OR6Q1: variants seen among roughly 807,000 people sequenced by gnomAD.
OR6Q1 encodes the protein olfactory receptor family 6 subfamily Q member 1, also known as olfactory receptor 6Q1.
For synonymous variants in OR6Q1, 144 were observed against 148.9 expected (o/e 0.97, Z 0.24); for missense variants, 387 against 381.7 (o/e 1.01, Z -0.12).
rs116716122 is a variant in OR6Q1, at chr11:58,031,198, G to A, written c.246G>A (p.Lys82=). Residue 82 remains lysine, a synonymous_variant, in exon 1 of 1, where the codon AAG becomes AAA. Transcript: ENST00000302622. ...EIWYTSVTVP[K]MLAGFIGVDG... ...GGTACACTTCTGTTACAGTGCCCAAGATGCTGGCTGGTTTTATTGGGGTGG... is the reference window on the plus strand; with the variant it reads ...GGTACACTTCTGTTACAGTGCCCAAAATGCTGGCTGGTTTTATTGGGGTGG... 4.3e-6 allele frequency: 7 copies of A among 1,614,152 alleles called. No individual in the cohort carries two copies. The highest frequency in any genetic ancestry group is 5.9e-6 in the Non-Finnish European group (7 of 1,180,002).
Position 58,031,782 on chromosome 11 carries a change from TG to T in OR6Q1, c.832del (p.Val278TyrfsTer24). On this transcript the variant is annotated frameshift_variant, in exon 1 of 1. Coordinates refer to ENST00000302622, the MANE Select transcript of OR6Q1 (RefSeq NM_001005186.2). LOFTEE classifies it low-confidence loss of function (END_TRUNC). The part of the protein sequence containing the change: ...KVTSSINFNK[V>X]VSVFYSVVTP... ...ACCTCCTCCATCAACTTCAACAAGG[TG>T]GTATCTGTCTTCTACTCTGTTGTCA... is the stretch of plus-strand genomic sequence containing the variant. 5 of 1,613,932 alleles carry T rather than the reference TG, an allele frequency of 3.1e-6. No homozygotes were observed. Among genetic ancestry groups the T allele is most frequent in the Non-Finnish European group, 3.4e-6 (4 of 1,179,850 alleles).
In OR6Q1 at chr11:58,031,672, G is replaced by A. The variant is rs376001783; in HGVS notation, c.720G>A (p.Lys240=). The A allele has an allele frequency of 2.3e-5, 37 of 1,613,794 alleles. No individual in the cohort carries two copies. The highest frequency in any genetic ancestry group is 3.1e-5 in the Non-Finnish European group (36 of 1,179,844). ...TCCGCTCAGCTGCTGAGCGCTGGAA[G>A]GCCTTCTCTACCTGTGCAGCTCACC... is the stretch of plus-strand genomic sequence containing the variant. ...LHIRSAAERW[K]AFSTCAAHLT... Residue 240 remains lysine, a synonymous_variant, in exon 1 of 1, where the codon AAG becomes AAA. Transcript: ENST00000302622.
rs145072314 is a variant in OR6Q1 at position 58,031,284 on chromosome 11, T to C, written c.332T>C (p.Leu111Pro). Reference sequence around the variant, plus strand: ...TCCCAGCTCTTCATCTTCACCTTTCTTGGGGCAACTGAGTGTTTCCTACTG... The same window carrying C: ...TCCCAGCTCTTCATCTTCACCTTTCCTGGGGCAACTGAGTGTTTCCTACTG... ...CLSQLFIFTF[L>P]GATECFLLAA... Residue 111 changes from leucine to proline, a missense_variant, in exon 1 of 1, where the codon CTT becomes CCT. Coordinates refer to ENST00000302622, the MANE Select transcript of OR6Q1 (RefSeq NM_001005186.2). 15 of 1,614,040 alleles carry C rather than the reference T, an allele frequency of 9.3e-6. No individual in the cohort carries two copies. Among genetic ancestry groups the C allele is most frequent in the Non-Finnish European group, 1.2e-5 (14 of 1,180,018 alleles).
Position 58,031,479 on chromosome 11 carries a change from A to G in OR6Q1, c.527A>G (p.Asn176Ser). 6.2e-7 allele frequency: 1 copy of G among 1,614,112 alleles called. No homozygotes were observed. The highest frequency in any genetic ancestry group is 8.5e-7 in the Non-Finnish European group (1 of 1,180,004). ...LLSQLTFYGP[N>S]VIDHFSCDAS... ...TCTCAGCTAACATTTTATGGCCCAAATGTCATTGACCATTTCTCCTGTGAT... is the reference window on the plus strand; with the variant it reads ...TCTCAGCTAACATTTTATGGCCCAAGTGTCATTGACCATTTCTCCTGTGAT... Residue 176 changes from asparagine to serine, a missense_variant, in exon 1 of 1, where the codon AAT becomes AGT. Transcript: ENST00000302622.
At position 58,031,596 on chromosome 11, in the gene OR6Q1, C is replaced by G; in HGVS notation, c.644C>G (p.Ser215Cys). The change falls in exon 1 of 1, where the codon TCT becomes TGT. Residue 215 changes from serine to cysteine, a missense_variant. Ser to Cys is a moderately radical substitution (Grantham distance 112). Coordinates refer to ENST00000302622, the MANE Select transcript of OR6Q1 (RefSeq NM_001005186.2). Reference protein sequence around the residue: ...LVSLAVLLASSMVIAVSYGNI... With the variant: ...LVSLAVLLASCMVIAVSYGNI... ...TCTCTGGCTGTGCTACTGGCCTCCT[C>G]TATGGTCATTGCTGTGTCCTATGGC... 6.2e-7 allele frequency: 1 copy of G among 1,614,036 alleles called. No individual in the cohort carries two copies. Among genetic ancestry groups the G allele is most frequent in the Non-Finnish European group, 8.5e-7 (1 of 1,179,956 alleles).
chr11:58,031,179 C>T lies in OR6Q1; in HGVS notation c.227C>T (p.Thr76Ile), dbSNP rs758879592. The change falls in exon 1 of 1, where the codon ACT (threonine) becomes ATT (isoleucine). Residue 76 changes from threonine to isoleucine, a missense_variant. Thr to Ile is a moderately conservative substitution (Grantham distance 89). Coordinates refer to ENST00000302622, the MANE Select transcript of OR6Q1 (RefSeq NM_001005186.2). Reference protein sequence around the residue: ...THLSCLEIWYTSVTVPKMLAG... With the variant: ...THLSCLEIWYISVTVPKMLAG... The stretch of plus-strand genomic sequence containing the variant: ...TTGTCCTGCCTTGAAATCTGGTACA[C>T]TTCTGTTACAGTGCCCAAGATGCTG... 6.8e-6 allele frequency: 11 copies of T among 1,614,150 alleles called. No individual in the cohort carries two copies. The highest frequency in any genetic ancestry group is 9.3e-6 in the Non-Finnish European group (11 of 1,179,990).
chr11:58,031,811 C>T lies in OR6Q1; in HGVS notation c.859C>T (p.Pro287Ser). Residue 287 changes from proline to serine, a missense_variant, in exon 1 of 1, where the codon CCC becomes TCC. Coordinates refer to ENST00000302622, the MANE Select transcript of OR6Q1 (RefSeq NM_001005186.2). ...ATCTGTCTTCTACTCTGTTGTCACG[C>T]CCATGCTCAATCCTCTCATCTACAG... is the stretch of plus-strand genomic sequence containing the variant. The part of the protein sequence containing the change: ...VVSVFYSVVT[P>S]MLNPLIYSLR... 6.2e-7 allele frequency: 1 copy of T among 1,614,058 alleles called. No individual in the cohort carries two copies. Among genetic ancestry groups the T allele is most frequent in the South Asian group, 1.1e-5 (1 of 91,082 alleles).
chr11:58,030,958 A>G lies in OR6Q1; in HGVS notation c.6A>G (p.Gln2=). The G allele has an allele frequency of 6.2e-7, 1 of 1,610,656 alleles. No homozygotes were observed. The highest frequency in any genetic ancestry group is 8.5e-7 in the Non-Finnish European group (1 of 1,177,084). Reference sequence around the variant, plus strand: ...CTGAGCTCTCACTGCCACATATGCAACCATATACCAAAAACTGGACCCAGG... The same window carrying G: ...CTGAGCTCTCACTGCCACATATGCAGCCATATACCAAAAACTGGACCCAGG... M[Q]PYTKNWTQVT... Residue 2 remains glutamine, a synonymous_variant, in exon 1 of 1, where the codon CAA becomes CAG. Coordinates refer to ENST00000302622, the MANE Select transcript of OR6Q1 (RefSeq NM_001005186.2).
rs748655269 is a variant in OR6Q1, at chr11:58,031,673, G to T, written c.721G>T (p.Ala241Ser). ...CCGCTCAGCTGCTGAGCGCTGGAAGGCCTTCTCTACCTGTGCAGCTCACCT... is the reference window on the plus strand; with the variant it reads ...CCGCTCAGCTGCTGAGCGCTGGAAGTCCTTCTCTACCTGTGCAGCTCACCT... Reference protein sequence around the residue: ...HIRSAAERWKAFSTCAAHLTV... With the variant: ...HIRSAAERWKSFSTCAAHLTV... The change falls in exon 1 of 1, where the codon GCC becomes TCC. Residue 241 changes from alanine to serine, a missense_variant. Physicochemically the swap from Ala to Ser is moderately conservative, Grantham distance 99. Transcript: ENST00000302622. 2.5e-6 allele frequency: 4 copies of T among 1,613,850 alleles called. No individual in the cohort carries two copies. The highest frequency in any genetic ancestry group is 2.2e-5 in the South Asian group (2 of 91,072).
Position 58,031,712 on chromosome 11 carries a change from C to T in OR6Q1, c.760C>T (p.Leu254Phe). 1 of 1,613,960 alleles carries T rather than the reference C, an allele frequency of 6.2e-7. No individual in the cohort carries two copies. Among genetic ancestry groups the T allele is most frequent in the Admixed American group, 1.7e-5 (1 of 60,008 alleles). The change falls in exon 1 of 1, where the codon CTC becomes TTC. Residue 254 changes from leucine (L) to phenylalanine (F), a missense_variant. By Grantham distance (22) the Leu-to-Phe change is conservative. Coordinates refer to ENST00000302622, the MANE Select transcript of OR6Q1 (RefSeq NM_001005186.2). ...TCAAHLTVVS[L>F]FYGTLFFMYV... ...TGCAGCTCACCTGACTGTGGTGAGC[C>T]TCTTCTATGGCACTCTTTTCTTTAT...
Position 58,030,967 on chromosome 11 carries a change from C to A in OR6Q1, c.15C>A (p.Thr5=), listed in dbSNP as rs191701806. Reference sequence around the variant, plus strand: ...CACTGCCACATATGCAACCATATACCAAAAACTGGACCCAGGTAACTGAAT... The same window carrying A: ...CACTGCCACATATGCAACCATATACAAAAAACTGGACCCAGGTAACTGAAT... The part of the protein sequence containing the change: MQPY[T]KNWTQVTEFV... The change falls in exon 1 of 1, where the codon ACC becomes ACA. Residue 5 remains threonine, a synonymous_variant. Coordinates refer to ENST00000302622, the MANE Select transcript of OR6Q1 (RefSeq NM_001005186.2). The A allele has an allele frequency of 9.7e-5, 156 of 1,613,122 alleles. No individual in the cohort carries two copies. In the East Asian group the frequency reaches 3.1e-3, roughly 32 times the overall value.
chr11:58,031,381 C>T lies in OR6Q1; in HGVS notation c.429C>T (p.Gly143=), dbSNP rs533631942. Residue 143 remains glycine, a synonymous_variant, in exon 1 of 1, where the codon GGC becomes GGT. Transcript: ENST00000302622. ...PLHYGAFVSW[G]TCIRLAAACW... The stretch of plus-strand genomic sequence containing the variant: ...ACTATGGGGCTTTTGTGTCCTGGGG[C>T]ACCTGCATCCGTCTGGCAGCTGCCT... 1.2e-6 allele frequency: 2 copies of T among 1,614,184 alleles called. No individual in the cohort carries two copies. Among genetic ancestry groups the T allele is most frequent in the South Asian group, 2.2e-5 (2 of 91,080 alleles).
Position 58,031,680 on chromosome 11 carries a change from C to T in OR6Q1, c.728C>T (p.Ser243Phe), listed in dbSNP as rs562631153. 1.2e-6 allele frequency: 2 copies of T among 1,613,854 alleles called. No homozygotes were observed. The highest frequency in any genetic ancestry group is 1.7e-6 in the Non-Finnish European group (2 of 1,179,878). ...RSAAERWKAFSTCAAHLTVVS... is the reference protein window; with the variant it reads ...RSAAERWKAFFTCAAHLTVVS... The stretch of plus-strand genomic sequence containing the variant: ...GCTGCTGAGCGCTGGAAGGCCTTCT[C>T]TACCTGTGCAGCTCACCTGACTGTG... The change falls in exon 1 of 1, where the codon TCT (serine) becomes TTT (phenylalanine). Residue 243 changes from serine to phenylalanine, a missense_variant. By Grantham distance (155) the Ser-to-Phe change is radical. Coordinates refer to ENST00000302622, the MANE Select transcript of OR6Q1 (RefSeq NM_001005186.2).
rs916200147 is a variant in OR6Q1, at chr11:58,031,150, A to T, written c.198A>T (p.Thr66=). Residue 66 remains threonine, a synonymous_variant, in exon 1 of 1, where the codon ACA becomes ACT. Coordinates refer to ENST00000302622, the MANE Select transcript of OR6Q1 (RefSeq NM_001005186.2). ...GGAGACCCATGTATTTCTTCCTGAC[A>T]CACTTGTCCTGCCTTGAAATCTGGT... ...RLRRPMYFFL[T]HLSCLEIWYT... 6.2e-7 allele frequency: 1 copy of T among 1,614,012 alleles called. No homozygotes were observed. Among genetic ancestry groups the T allele is most frequent in the African/African-American group, 1.3e-5 (1 of 74,898 alleles).
chr11:58,031,754 G>T lies in OR6Q1; in HGVS notation c.802G>T (p.Val268Leu). 6.2e-7 allele frequency: 1 copy of T among 1,614,072 alleles called. No homozygotes were observed. The highest frequency in any genetic ancestry group is 8.5e-7 in the Non-Finnish European group (1 of 1,180,002). Residue 268 changes from valine to leucine, a missense_variant, in exon 1 of 1, where the codon GTG (valine) becomes TTG (leucine). Coordinates refer to ENST00000302622, the MANE Select transcript of OR6Q1 (RefSeq NM_001005186.2). ...TLFFMYVQTKVTSSINFNKVV... is the reference protein window; with the variant it reads ...TLFFMYVQTKLTSSINFNKVV... Reference sequence around the variant, plus strand: ...TTTCTTTATGTATGTCCAGACCAAGGTGACCTCCTCCATCAACTTCAACAA... The same window carrying T: ...TTTCTTTATGTATGTCCAGACCAAGTTGACCTCCTCCATCAACTTCAACAA...
Position 58,031,312 on chromosome 11 carries a change from T to A in OR6Q1, c.360T>A (p.Ala120=). The A allele has an allele frequency of 6.2e-7, 1 of 1,614,196 alleles. No individual in the cohort carries two copies. Among genetic ancestry groups the A allele is most frequent in the South Asian group, 1.1e-5 (1 of 91,084 alleles). The change falls in exon 1 of 1, where the codon GCT becomes GCA. Residue 120 remains alanine, a synonymous_variant. Transcript: ENST00000302622. ...GGGCAACTGAGTGTTTCCTACTGGCTGCCATGGCCTATGATCGTTATGTGG... is the reference window on the plus strand; with the variant it reads ...GGGCAACTGAGTGTTTCCTACTGGCAGCCATGGCCTATGATCGTTATGTGG... ...FLGATECFLL[A]AMAYDRYVAI...
In OR6Q1 at chr11:58,031,605, T is replaced by C; in HGVS notation, c.653T>C (p.Ile218Thr). The C allele has an allele frequency of 6.2e-7, 1 of 1,613,764 alleles. No individual in the cohort carries two copies. Among genetic ancestry groups the C allele is most frequent in the African/African-American group, 1.3e-5 (1 of 74,914 alleles). The change falls in exon 1 of 1, where the codon ATT becomes ACT. Residue 218 changes from isoleucine to threonine, a missense_variant. Ile to Thr is a moderately conservative substitution (Grantham distance 89). Transcript: ENST00000302622. ...LAVLLASSMV[I>T]AVSYGNIVWT... The stretch of plus-strand genomic sequence containing the variant: ...GTGCTACTGGCCTCCTCTATGGTCA[T>C]TGCTGTGTCCTATGGCAACATCGTC...
chr11:58,031,019 C>T lies in OR6Q1; in HGVS notation c.67C>T (p.His23Tyr). 1 of 1,614,106 alleles carries T rather than the reference C, an allele frequency of 6.2e-7. No homozygotes were observed. The highest frequency in any genetic ancestry group is 8.5e-7 in the Non-Finnish European group (1 of 1,179,960). The part of the protein sequence containing the change: ...EFVMMGFAGI[H>Y]EAHLLFFILF... ...TGTCATGATGGGCTTTGCTGGCATC[C>T]ATGAAGCACACCTCCTCTTCTTCAT... is the stretch of plus-strand genomic sequence containing the variant. The change falls in exon 1 of 1, where the codon CAT (histidine) becomes TAT (tyrosine). Residue 23 changes from histidine (H) to tyrosine (Y), a missense_variant. Transcript: ENST00000302622.
chr11:58,031,388 A>T lies in OR6Q1; in HGVS notation c.436A>T (p.Ile146Phe). The change falls in exon 1 of 1, where the codon ATC becomes TTC. Residue 146 changes from isoleucine to phenylalanine, a missense_variant. Ile to Phe is a conservative substitution (Grantham distance 21, BLOSUM62 0). Transcript: ENST00000302622. ...YGAFVSWGTC[I>F]RLAAACWLVG... ...GGCTTTTGTGTCCTGGGGCACCTGCATCCGTCTGGCAGCTGCCTGTTGGCT... is the reference window on the plus strand; with the variant it reads ...GGCTTTTGTGTCCTGGGGCACCTGCTTCCGTCTGGCAGCTGCCTGTTGGCT... 1.2e-6 allele frequency: 2 copies of T among 1,614,152 alleles called. No individual in the cohort carries two copies. The highest frequency in any genetic ancestry group is 1.7e-6 in the Non-Finnish European group (2 of 1,180,014).
Sources: gnomAD v4.1 joint callset for allele counts on GRCh38, gnomAD v4.1.1 for gene constraint, MANE v1.5 for transcripts, NCBI Gene and HGNC (gene_info 2026-07-23, HGNC 2026-07-21) for gene names.